PARK7: variants seen among roughly 807,000 people sequenced by gnomAD.
The protein encoded by PARK7 is Parkinsonism associated deglycase, also known as Parkinson disease protein 7.
Under a neutral mutation model 20.5 loss-of-function variants are expected in PARK7, and 14 were observed. That is an observed-to-expected ratio of 0.68 (90% CI 0.45 to 1.07). PARK7 has a LOEUF of 1.07. Among genes scored for constraint, PARK7 ranks in the 50% least tolerant of loss-of-function variants. The pLI is 0.00. For synonymous variants in PARK7, 98 were observed against 84.3 expected (o/e 1.16, Z -0.89); for missense variants, 234 against 238.1 (o/e 0.98, Z 0.11).
rs3203837 is a variant in PARK7 at position 7,985,036 on chromosome 1, A to G, written c.552A>G (p.Pro184=). 9 of 1,614,186 alleles carry G rather than the reference A, an allele frequency of 5.6e-6. No homozygotes were observed. Among genetic ancestry groups the G allele is most frequent in the Non-Finnish European group, 7.6e-6 (9 of 1,180,042 alleles). The change falls in exon 7 of 7, where the codon CCA becomes CCG. Residue 184 remains proline, a synonymous_variant. Transcript: ENST00000338639. ...GKEVAAQVKA[P]LVLKD is the part of the protein sequence containing the mutation. ...AGGTGGCGGCTCAAGTGAAGGCTCC[A>G]CTTGTTCTTAAAGACTAGAGCAGCG... is the stretch of plus-strand genomic sequence containing the variant.
chr1:7,970,603 C>T (rs1249602133), intron 4 of PARK7, among the ~76,000 whole-genome samples: 1 of 152,188 alleles, frequency 6.6e-6, no homozygotes, highest in Non-Finnish European at 1.5e-5. Flanking sequence ...ACCACATTCC[C>T]TCCCATTTCT....
chr1:7,963,386 CTTTT>C (rs34942518), intron 2 of PARK7, among the ~76,000 whole-genome samples: 2 of 140,960 alleles, frequency 1.4e-5, no homozygotes, highest in African/African-American at 2.6e-5. Context: ...CTTTTTTCTT[CTTTT>C]TTTTTTTTTT....
At chr1:7,977,016 G>A (rs576467355) in intron 5 of PARK7, among the ~76,000 whole-genome samples, 27 of 152,270 alleles carry the variant, frequency 1.8e-4, no homozygotes, top group Admixed American at 2.6e-4. Context: ...CACCGTGCCC[G>A]GCCTAATTTC....
chr1:7,969,468 A>G, intron 4 of PARK7, 64 bp downstream of exon 4: 1 of 1,113,382 alleles, frequency 9.0e-7, no homozygotes, highest in Non-Finnish European at 1.4e-6. Flanking sequence ...AAAGAATTTC[A>G]GCATCTGCTT....
At chr1:7,964,539 C>T (rs894825522) in intron 2 of PARK7, among the ~76,000 whole-genome samples, 1 of 152,128 alleles carries the variant, frequency 6.6e-6, no homozygotes, top group African/African-American at 2.4e-5. Context: ...TTCTGTAATA[C>T]GTATTCTTGT....
At chr1:7,966,530 TTTAAA>T (rs1640333546) in intron 3 of PARK7, among the ~76,000 whole-genome samples, 1 of 151,940 alleles carries the variant, frequency 6.6e-6, no homozygotes, top group African/African-American at 2.4e-5. Context: ...ACCGTTTCTC[TTTAAA>T]TTAAAAATTT....
Position 7,985,172 on chromosome 1 carries a change from C to T in PARK7, c.*118C>T. On this transcript the variant is annotated 3_prime_UTR_variant, in exon 7 of 7. Coordinates refer to ENST00000338639, the MANE Select transcript of PARK7 (RefSeq NM_007262.5). ...TGTTCAGAAGTCGCTGTCCTTACTA[C>T]TTTTGCGGAAGTATGGAAGTCACAA... is the stretch of plus-strand genomic sequence containing the variant. 7.2e-7 allele frequency: 1 copy of T among 1,392,636 alleles called. No individual in the cohort carries two copies. Among genetic ancestry groups the T allele is most frequent in the Non-Finnish European group, 9.8e-7 (1 of 1,016,412 alleles). 86.3% of individuals were successfully genotyped at this position (1,392,636 alleles called of 1,614,324 possible). A position where few individuals can be genotyped will look rare whatever the true frequency, so the allele number is the denominator to read the frequency against.
chr1:7,969,094 T>C, intron 3 of PARK7: 1 of 438,838 alleles, frequency 2.3e-6, no homozygotes, highest in Non-Finnish European at 4.1e-6. Context: ...GGAAGGAGAT[T>C]ATACTACCCC....
chr1:7,982,575 T>G (rs1296414041), intron 6 of PARK7, among the ~76,000 whole-genome samples: 1 of 151,724 alleles, frequency 6.6e-6, no homozygotes, highest in Admixed American at 6.5e-5. Context: ...TTAACCAGTT[T>G]AAGCCCTGTT....
Position 7,985,039 on chromosome 1 carries a change from T to A in PARK7, c.555T>A (p.Leu185=). The A allele has an allele frequency of 2.5e-6, 4 of 1,614,192 alleles. No homozygotes were observed. The highest frequency in any genetic ancestry group is 3.4e-6 in the Non-Finnish European group (4 of 1,180,038). ...TGGCGGCTCAAGTGAAGGCTCCACT[T>A]GTTCTTAAAGACTAGAGCAGCGAAC... ...KEVAAQVKAP[L]VLKD is the part of the protein sequence containing the mutation. The change falls in exon 7 of 7, where the codon CTT becomes CTA. Residue 185 remains leucine, a synonymous_variant. Coordinates refer to ENST00000338639, the MANE Select transcript of PARK7 (RefSeq NM_007262.5).
chr1:7,980,189 T>C (rs1042149027), intron 6 of PARK7, among the ~76,000 whole-genome samples: 1 of 152,050 alleles, frequency 6.6e-6, no homozygotes, highest in Non-Finnish European at 1.5e-5. Flanking sequence ...TGGTACTTTT[T>C]AATAAAAGTC....
intron 3 of PARK7, 22 bp from the exon 4 acceptor site, chr1:7,969,323 T>C: frequency 4.4e-6 from 7 of 1,594,812 alleles, no homozygotes; most frequent in Non-Finnish European, 6.0e-6. Flanking sequence ...TTTTGTTTTC[T>C]TTATGTTTTA....
intron 3 of PARK7, among the ~76,000 whole-genome samples, chr1:7,966,110 C>T (rs953088038): frequency 6.6e-6 from 1 of 152,054 alleles, no homozygotes; most frequent in African/African-American, 2.4e-5. Context: ...AACATGCTCC[C>T]CCACAGGCGC....
chr1:7,983,566 G>T (rs57033768), intron 6 of PARK7, among the ~76,000 whole-genome samples: 3,863 of 152,334 alleles, frequency 0.025, 176 homozygotes, highest in African/African-American at 0.088. Flanking sequence ...GTCTCTGTGC[G>T]AAGGCCAGAC....
At chr1:7,975,800 A>G (rs990840270) in intron 5 of PARK7, among the ~76,000 whole-genome samples, 1 of 152,256 alleles carries the variant, frequency 6.6e-6, no homozygotes, top group Non-Finnish European at 1.5e-5. Context: ...AAAATGCAAG[A>G]TGATGTAGGA....
At chr1:7,981,955 GC>G (rs1193730771) in intron 6 of PARK7, among the ~76,000 whole-genome samples, 5 of 134,830 alleles carry the variant, frequency 3.7e-5, no homozygotes, top group African/African-American at 8.2e-5. Context: ...ACTATGCCCA[GC>G]CCCCCCGCCT....
intron 5 of PARK7, among the ~76,000 whole-genome samples, chr1:7,972,343 A>G (rs1282790619): frequency 1.3e-5 from 2 of 151,970 alleles, no homozygotes. Context: ...TACTGCATGC[A>G]TGTAGTCCCA....
rs1245140194 is a variant in PARK7, at chr1:7,981,660, GT to G, written c.410-3218del. 3.4e-4 allele frequency among the ~76,000 whole-genome samples: 47 copies of G among 136,504 alleles called. 1 individual carries two copies. Among genetic ancestry groups the G allele is most frequent in the Middle Eastern group, 3.6e-3 (1 of 276 alleles). The allele number at this position is 136,504 out of a possible 152,430, so 89.6% of individuals were successfully genotyped here. On this transcript the variant is annotated intron_variant, in intron 6 of 6. Coordinates refer to ENST00000338639, the MANE Select transcript of PARK7 (RefSeq NM_007262.5). Reference sequence around the variant, plus strand: ...TGCTGACCTGTGTCCTGTGTCTTTTGTTTTTTTTTTTTTTTTGAGACAGAGT... The same window carrying G: ...TGCTGACCTGTGTCCTGTGTCTTTTGTTTTTTTTTTTTTTTGAGACAGAGT...
rs1418844517 is a variant in PARK7 at position 7,970,896 on chromosome 1, T to G, written c.255T>G (p.Ser85=). 6.2e-7 allele frequency: 1 copy of G among 1,614,202 alleles called. No homozygotes were observed. The highest frequency in any genetic ancestry group is 1.7e-5 in the Admixed American group (1 of 60,024). Residue 85 remains serine, a splice_region_variant and synonymous_variant, in exon 5 of 7, where the codon TCT becomes TCG. Transcript: ENST00000338639. ...ATTTTTGGTTTTCTTTTCACTAGTC[T>G]GCTGCTGTGAAGGAGATACTGAAGG... ...GNLGAQNLSE[S]AAVKEILKEQ... is the part of the protein sequence containing the mutation.
Sources: gnomAD v4.1 joint callset for allele counts (sites outside exome capture counted in the v4.1 genomes callset) on GRCh38, gnomAD v4.1.1 for gene constraint, MANE v1.5 for transcripts, NCBI Gene and HGNC (gene_info 2026-07-23, HGNC 2026-07-21) for gene names.